The following SEMA3A variants were observed in gnomAD, a reference collection of about 807,000 sequenced individuals.
The protein encoded by SEMA3A is semaphorin 3A.
Under a neutral mutation model 97.9 loss-of-function variants are expected in SEMA3A, and 29 were observed. The observed-to-expected ratio is 0.30, with a 90% confidence interval of 0.22 to 0.40. SEMA3A has a LOEUF of 0.40. Ranked by LOEUF, SEMA3A falls within the 10% of genes least tolerant of loss-of-function variation. The pLI is 1.00. For synonymous variants in SEMA3A, 321 were observed against 323.7 expected, an observed-to-expected ratio of 0.99 and a Z score of 0.09; for missense variants, 763 against 951.3, an observed-to-expected ratio of 0.80 and a Z score of 2.60.
chr7:84,135,674 G>C (rs1796103488), intron 1 of SEMA3A, among the ~76,000 whole-genome samples: 1 of 152,120 alleles, frequency 6.6e-6, no homozygotes. Context: ...AGGAATGTGG[G>C]GGAAACATCC....
intron 6 of SEMA3A, among the ~76,000 whole-genome samples, chr7:84,044,889 C>T (rs920241367): frequency 2.6e-5 from 4 of 151,948 alleles, no homozygotes; most frequent in Non-Finnish European, 5.9e-5. Flanking sequence ...AACATCAATG[C>T]CATTAAAAGC....
At chr7:84,371,141 A>C (rs1802964797) in intron 2 of SEMA3A, among the ~76,000 whole-genome samples, 1 of 151,748 alleles carries the variant, frequency 6.6e-6, no homozygotes, top group Non-Finnish European at 1.5e-5. Context: ...CCTTCCAGTA[A>C]TATTAGGTTT....
intron 1 of SEMA3A, among the ~76,000 whole-genome samples, chr7:84,188,827 C>G (rs1194183002): frequency 2.0e-5 from 3 of 151,810 alleles, no homozygotes; most frequent in Non-Finnish European, 4.4e-5. Flanking sequence ...TCAAAATGTA[C>G]CAATAAATGC....
At chr7:83,971,430 CAAAA>C (rs58083024) in intron 15 of SEMA3A, among the ~76,000 whole-genome samples, 9 of 132,746 alleles carry the variant, frequency 6.8e-5, no homozygotes. Context: ...GAAACTCCAT[CAAAA>C]AAAAAAAAAA....
chr7:84,113,222 G>A (rs1189572933), intron 3 of SEMA3A, among the ~76,000 whole-genome samples: 3 of 152,184 alleles, frequency 2.0e-5, no homozygotes, highest in Non-Finnish European at 4.4e-5. Context: ...GGAGGAAAGT[G>A]CATTAAAAGA....
At chr7:84,419,292 G>C (rs1562940506) in intron 1 of SEMA3A, among the ~76,000 whole-genome samples, 1 of 152,060 alleles carries the variant, frequency 6.6e-6, no homozygotes, top group East Asian at 1.9e-4. Context: ...AAGCAAATTT[G>C]TTTTAAGCTA....
At chr7:84,383,026 C>CACTT (rs145499218) in intron 1 of SEMA3A, among the ~76,000 whole-genome samples, 17,165 of 152,000 alleles carry the variant, frequency 0.11, 1,750 homozygotes, top group East Asian at 0.34. Flanking sequence ...TAACTGGAAT[C>CACTT]ACTGGAATAA....
chr7:84,209,760 C>A (rs1267141807), intron 3 of SEMA3A, among the ~76,000 whole-genome samples: 1 of 152,068 alleles, frequency 6.6e-6, no homozygotes, highest in East Asian at 1.9e-4. Context: ...TCAACAATAA[C>A]TATGATAGCC....
At chr7:84,376,353 A>G (rs1324214281) in intron 1 of SEMA3A, among the ~76,000 whole-genome samples, 1 of 115,558 alleles carries the variant, frequency 8.7e-6, no homozygotes, top group African/African-American at 3.2e-5. Context: ...CTGTAATCCC[A>G]GCACTTTGGG....
At chr7:84,054,263 T>A (rs1792836763) in intron 5 of SEMA3A, among the ~76,000 whole-genome samples, 3 of 152,298 alleles carry the variant, frequency 2.0e-5, no homozygotes, top group Non-Finnish European at 2.9e-5. Context: ...TTGGCTTGCC[T>A]TGCTAGATTG....
chr7:84,009,926 A>C (rs1170336806), intron 9 of SEMA3A, among the ~76,000 whole-genome samples: 7 of 150,730 alleles, frequency 4.6e-5, no homozygotes, highest in African/African-American at 7.3e-5. Context: ...AAAAAAAAAA[A>C]AACCCAGTCA....
chr7:84,415,767 G>A (rs1804416623), intron 1 of SEMA3A, among the ~76,000 whole-genome samples: 1 of 151,928 alleles, frequency 6.6e-6, no homozygotes, highest in Non-Finnish European at 1.5e-5. Context: ...GCTTCTATAT[G>A]TGTCCTGATT....
intron 14 of SEMA3A, among the ~76,000 whole-genome samples, chr7:83,980,797 CTT>C (rs924481365): frequency 2.6e-5 from 4 of 151,222 alleles, no homozygotes; most frequent in South Asian, 2.1e-4. Context: ...TATAATAACA[CTT>C]AAATTTTCTT....
At chr7:84,329,967 T>G (rs924235021) in intron 2 of SEMA3A, among the ~76,000 whole-genome samples, 2 of 152,062 alleles carry the variant, frequency 1.3e-5, no homozygotes, top group Non-Finnish European at 2.9e-5. Context: ...TGTTTCACTA[T>G]TTGATTAATT....
intron 1 of SEMA3A, among the ~76,000 whole-genome samples, chr7:84,388,497 A>T (rs964674163): frequency 6.6e-6 from 1 of 152,026 alleles, no homozygotes; most frequent in Non-Finnish European, 1.5e-5. Context: ...TAAATTCTTT[A>T]AAAAATTTTT....
chr7:84,456,293 T>C (rs1805682840), intron 1 of SEMA3A, among the ~76,000 whole-genome samples: 2 of 151,910 alleles, frequency 1.3e-5, no homozygotes, highest in Admixed American at 1.3e-4. Flanking sequence ...GAGTAGGTGG[T>C]GGATAAAGTC....
chr7:83,990,355 G>T (rs1274605230), intron 12 of SEMA3A, among the ~76,000 whole-genome samples: 1 of 151,772 alleles, frequency 6.6e-6, no homozygotes, highest in Non-Finnish European at 1.5e-5. Flanking sequence ...GGCTTTTGTT[G>T]CCATGGCTTT....
intron 1 of SEMA3A, among the ~76,000 whole-genome samples, chr7:84,424,882 T>A (rs1237556633): frequency 1.3e-5 from 1 of 74,890 alleles, no homozygotes; most frequent in South Asian, 5.1e-4. Context: ...ATATATAATA[T>A]TATATATAAA....
chr7:84,178,661 TATA>T (rs1200171312), intron 1 of SEMA3A, among the ~76,000 whole-genome samples: 2 of 152,060 alleles, frequency 1.3e-5, no homozygotes, highest in South Asian at 4.1e-4. Context: ...ATAAATTAAA[TATA>T]ATAATTATTG....
Sources: allele counts gnomAD v4.1 joint callset (sites outside exome capture counted in the v4.1 genomes callset), GRCh38; gene constraint gnomAD v4.1.1; transcripts MANE v1.5; gene names NCBI Gene and HGNC (gene_info 2026-07-23, HGNC 2026-07-21).